Variants in OSBPL1A observed in about 807,000 individuals in gnomAD.
OSBPL1A encodes oxysterol-binding protein-related protein 1.
Under a neutral mutation model 137.1 loss-of-function variants are expected in OSBPL1A, and 80 were observed. That is an observed-to-expected ratio of 0.58 (90% CI 0.49 to 0.70). The LOEUF (loss-of-function observed/expected upper bound fraction) is 0.70. Among genes scored for constraint, OSBPL1A ranks in the 30% least tolerant of loss-of-function variants. The pLI, the probability that OSBPL1A is intolerant of heterozygous loss-of-function variation, is 0.00. For synonymous variants in OSBPL1A, 365 were observed against 389.7 expected, an observed-to-expected ratio of 0.94 and a Z score of 0.75; for missense variants, 970 against 1,129.4, an observed-to-expected ratio of 0.86 and a Z score of 2.02.
intron 15 of OSBPL1A, among the ~76,000 whole-genome samples, chr18:24,276,874 C>T (rs539875217): frequency 1.8e-4 from 27 of 152,202 alleles, no homozygotes; most frequent in African/African-American, 6.5e-4. Flanking sequence ...ACCCACATAC[C>T]ACAGAAATAG....
chr18:24,298,386 A>G (rs35352547), intron 14 of OSBPL1A, among the ~76,000 whole-genome samples: 21,150 of 152,080 alleles, frequency 0.14, 1,533 homozygotes, highest in South Asian at 0.17. Context: ...TTGCTCTGTC[A>G]CCCAGGCTGG....
intron 17 of OSBPL1A, among the ~76,000 whole-genome samples, chr18:24,218,594 C>T (rs1361591380): frequency 6.6e-6 from 1 of 152,140 alleles, no homozygotes; most frequent in Non-Finnish European, 1.5e-5. Flanking sequence ...CAGGCATGCA[C>T]TACTGCGCCT....
chr18:24,353,835 G>A (rs148764667), intron 4 of OSBPL1A, among the ~76,000 whole-genome samples: 67 of 150,020 alleles, frequency 4.5e-4, no homozygotes, highest in African/African-American at 1.5e-3. Flanking sequence ...ACCAAACACC[G>A]CATGTTCTCA....
At chr18:24,189,465 C>CG (rs2086831379) in intron 18 of OSBPL1A, among the ~76,000 whole-genome samples, 1 of 152,086 alleles carries the variant, frequency 6.6e-6, no homozygotes, top group African/African-American at 2.4e-5. Context: ...CACTGACAGC[C>CG]GGGGGCTGGC....
rs1429648271 is a variant in OSBPL1A at position 24,167,396 on chromosome 18, CTTTCAGAATCCGGCACTGGCA to C, written c.2447_2467del (p.Met816_Glu822del). The C allele has an allele frequency of 6.2e-7, 1 of 1,614,256 alleles. No homozygotes were observed. Among genetic ancestry groups the C allele is most frequent in the South Asian group, 1.1e-5 (1 of 91,084 alleles). The stretch of plus-strand genomic sequence containing the variant: ...AACGCTTCCAGGGATAATGAATACA[CTTTCAGAATCCGGCACTGGCA>C]TTTCATCCAACTCCTCAGAGGTGCT... On this transcript the variant is annotated inframe_deletion, in exon 25 of 28. Transcript: ENST00000319481.
intron 15 of OSBPL1A, among the ~76,000 whole-genome samples, chr18:24,264,007 TATGTGA>T (rs1467267311): frequency 5.3e-5 from 8 of 152,184 alleles, no homozygotes; most frequent in Admixed American, 5.2e-4. Context: ...GTAGTCAGCA[TATGTGA>T]ATGCACCCTG....
chr18:24,177,900 GA>G, intron 21 of OSBPL1A, 112 bp downstream of exon 21: 1 of 1,060,300 alleles, frequency 9.4e-7, no homozygotes, highest in African/African-American at 1.6e-5. Flanking sequence ...TGCACTGTAT[GA>G]AAGCTGTTTC....
chr18:24,195,174 G>A (rs74998138), intron 18 of OSBPL1A, among the ~76,000 whole-genome samples: 2,029 of 152,178 alleles, frequency 0.013, 13 homozygotes, highest in Middle Eastern at 0.048. Context: ...GGCACGACGC[G>A]CCTGTGGTCC....
intron 17 of OSBPL1A, among the ~76,000 whole-genome samples, chr18:24,203,001 G>C (rs914619060): frequency 6.6e-6 from 1 of 152,216 alleles, no homozygotes; most frequent in South Asian, 2.1e-4. Context: ...TTTGGAGACA[G>C]AGTTTCGCTC....
Position 24,271,936 on chromosome 18 carries a change from C to T in OSBPL1A, c.1281+8906G>A, listed in dbSNP as rs2089732147. The T allele has an allele frequency of 1.0e-6, 1 of 983,086 alleles. No individual in the cohort carries two copies. Among genetic ancestry groups the T allele is most frequent in the East Asian group, 1.1e-4 (1 of 8,796 alleles). 60.9% of individuals were successfully genotyped at this position (983,086 alleles called of 1,614,324 possible). On this transcript the variant is annotated intron_variant, in intron 15 of 27. Coordinates refer to ENST00000319481, the MANE Select transcript of OSBPL1A (RefSeq NM_080597.4). The surrounding 1 kb of genome is among the most constrained non-coding windows in gnomAD (Gnocchi z 4.0). ...GGTCTGCGCTGCCCCTCCGCCGCCG[C>T]TGGCTCGGCCGCAGACCCGCCCTCC...
intron 4 of OSBPL1A, among the ~76,000 whole-genome samples, chr18:24,345,391 T>A (rs1318100831): frequency 3.3e-5 from 5 of 152,102 alleles, no homozygotes; most frequent in Admixed American, 6.5e-5. Flanking sequence ...AATCAGGTGT[T>A]AAGGAAGTTG....
intron 18 of OSBPL1A, chr18:24,195,923 C>A (rs529673749): frequency 1.2e-5 from 6 of 484,260 alleles, no homozygotes; most frequent in Admixed American, 7.4e-5. Context: ...TTTTTTACAT[C>A]AAAAATGCAC....
intron 16 of OSBPL1A, among the ~76,000 whole-genome samples, chr18:24,232,461 C>T (rs960579155): frequency 2.0e-5 from 3 of 152,254 alleles, no homozygotes; most frequent in Non-Finnish European, 4.4e-5. Context: ...CCGGCTCATC[C>T]CCAAGCAACT....
At chr18:24,387,591 T>G (rs112714026) in intron 1 of OSBPL1A, among the ~76,000 whole-genome samples, 1 of 152,154 alleles carries the variant, frequency 6.6e-6, no homozygotes, top group African/African-American at 2.4e-5. Flanking sequence ...ATCACAATTT[T>G]TTTTAAAGAG....
In OSBPL1A at chr18:24,181,205, C is replaced by A. The variant is rs1444263484; in HGVS notation, c.1752G>T (p.Met584Ile). Residue 584 changes from methionine (M) to isoleucine (I), a missense_variant, in exon 19 of 28, where the codon ATG becomes ATT. By Grantham distance (10) the Met-to-Ile change is conservative. Transcript: ENST00000319481. ...CCTTGTGGATGAGGTAAGTATGCTC[C>A]ATGTATTCAGTTAGGCGCTGTAGGA... is the stretch of plus-strand genomic sequence containing the variant. Reference protein sequence around the residue: ...LSFLQRLTEYMEHTYLIHKAS... With the variant: ...LSFLQRLTEYIEHTYLIHKAS... 6.2e-7 allele frequency: 1 copy of A among 1,613,972 alleles called. No homozygotes were observed. Among genetic ancestry groups the A allele is most frequent in the Non-Finnish European group, 8.5e-7 (1 of 1,180,014 alleles).
intron 7 of OSBPL1A, among the ~76,000 whole-genome samples, chr18:24,324,487 T>C (rs1355323242): frequency 3.4e-5 from 2 of 59,066 alleles, no homozygotes; most frequent in African/African-American, 1.9e-4. Context: ...AAAAAAATTA[T>C]ATCAAATAGA....
chr18:24,393,181 C>T (rs1428970731), intron 1 of OSBPL1A, among the ~76,000 whole-genome samples: 2 of 152,142 alleles, frequency 1.3e-5, no homozygotes, highest in African/African-American at 2.4e-5. Context: ...CATGTATGTA[C>T]ATGTGTATAC....
At chr18:24,358,429 C>T (rs1356784933) in intron 4 of OSBPL1A, 70 of 701,294 alleles carry the variant, frequency 1.0e-4, no homozygotes, top group African/African-American at 3.5e-5. Context: ...TTCTTCCCCA[C>T]CCTCGTGCAC....
chr18:24,340,639 T>C (rs924914245), intron 5 of OSBPL1A, among the ~76,000 whole-genome samples: 4 of 152,268 alleles, frequency 2.6e-5, no homozygotes, highest in Admixed American at 2.0e-4. Flanking sequence ...ACCCCGTCTC[T>C]ACTAAAAATA....
Sources: gnomAD v4.1 joint callset for allele counts (sites outside exome capture counted in the v4.1 genomes callset) on GRCh38, gnomAD v4.1.1 for gene constraint, Gnocchi (gnomAD v3.1) non-coding constraint, MANE v1.5 for transcripts, NCBI Gene and HGNC (gene_info 2026-07-23, HGNC 2026-07-21) for gene names.